Variants in GFRA2 observed in about 807,000 individuals in gnomAD.
GFRA2 encodes the protein GDNF family receptor alpha 2, also known as GDNF family receptor alpha-2.
Under a neutral mutation model 48.3 loss-of-function variants are expected in GFRA2, and 17 were observed. The observed-to-expected ratio is 0.35, with a 90% CI of 0.24 to 0.53. The LOEUF (loss-of-function observed/expected upper bound fraction) is 0.53, where lower values mean the gene tolerates loss of function less well. GFRA2 is among the 20% of genes least tolerant of loss of function. The pLI is 0.93. For missense variants in GFRA2, 660 were observed against 637.3 expected (o/e 1.04, Z -0.38); for synonymous variants, 305 against 257.2 (o/e 1.19, Z -1.78).
intron 4 of GFRA2, among the ~76,000 whole-genome samples, chr8:21,708,431 G>A (rs1200637435): frequency 6.6e-6 from 1 of 152,154 alleles, no homozygotes; most frequent in East Asian, 1.9e-4. Context: ...AGATCCAAGA[G>A]GTGGCTTGAG....
At chr8:21,774,039 C>T (rs1163772468) in intron 3 of GFRA2, among the ~76,000 whole-genome samples, 2 of 152,156 alleles carry the variant, frequency 1.3e-5, no homozygotes, top group African/African-American at 4.8e-5. Flanking sequence ...TTCAGACTGC[C>T]ACAAAACTGC....
intron 2 of GFRA2, among the ~76,000 whole-genome samples, chr8:21,780,229 C>A (rs1332499448): frequency 1.3e-5 from 2 of 152,102 alleles, no homozygotes; most frequent in African/African-American, 4.8e-5. Flanking sequence ...GTCTCCTGCC[C>A]CATACGATGG....
intron 3 of GFRA2, among the ~76,000 whole-genome samples, chr8:21,754,510 T>TC (rs1355053818): frequency 8.3e-5 from 12 of 144,252 alleles, no homozygotes; most frequent in African/African-American, 3.0e-4. Context: ...TTTTTCTTTT[T>TC]TTTTTTTTTT....
At chr8:21,704,903 G>A (rs897532075) in intron 6 of GFRA2, 82 bp downstream of exon 6, 40 of 1,075,332 alleles carry the variant, frequency 3.7e-5, no homozygotes, top group East Asian at 2.7e-4. Context: ...CCATCCCCAC[G>A]GAAGGAGATG....
At chr8:21,791,657 TA>T (rs1196401642), upstream of GFRA2, among the ~76,000 whole-genome samples, 1 of 152,102 alleles carries the variant, frequency 6.6e-6, no homozygotes, top group African/African-American at 2.4e-5. Flanking sequence ...AAATGGGGAT[TA>T]AAAAAGATAA....
intron 1 of GFRA2, among the ~76,000 whole-genome samples, chr8:21,786,955 A>G (rs1005493106): frequency 5.3e-5 from 8 of 151,736 alleles, no homozygotes; most frequent in Admixed American, 3.9e-4. Context: ...GTAGAACTAC[A>G]CCCTCACTGA....
chr8:21,698,958 C>G (rs1802340674), intron 7 of GFRA2, among the ~76,000 whole-genome samples: 1 of 152,210 alleles, frequency 6.6e-6, no homozygotes, highest in Non-Finnish European at 1.5e-5. Context: ...CCCACGGGTC[C>G]TTGGCCTCCA....
upstream of GFRA2, chr8:21,790,233 C>A (rs921747757): frequency 4.5e-6 from 1 of 220,840 alleles, no homozygotes; most frequent in Non-Finnish European, 7.6e-6. Flanking sequence ...CCCACGCAGC[C>A]CGGCATCCCC....
chr8:21,786,906 C>T (rs1807299300), intron 1 of GFRA2, among the ~76,000 whole-genome samples: 1 of 152,186 alleles, frequency 6.6e-6, no homozygotes, highest in Admixed American at 6.5e-5. Flanking sequence ...CCCCGCTGGG[C>T]AGCCTGGCTC....
intron 4 of GFRA2, among the ~76,000 whole-genome samples, chr8:21,712,419 C>T (rs975434886): frequency 3.3e-5 from 5 of 151,758 alleles, no homozygotes; most frequent in African/African-American, 1.2e-4. Context: ...GGCGGCCGGG[C>T]AGAGACGCTC....
At position 21,747,198 on chromosome 8, in the gene GFRA2, A is replaced by G. The variant is rs930187857; in HGVS notation, c.794+3390T>C. Among the ~76,000 whole-genome samples, 14 of 152,256 alleles carry G rather than the reference A, an allele frequency of 9.2e-5. No individual in the cohort carries two copies. In the East Asian group the frequency reaches 2.7e-3, roughly 29 times the overall value. ...CGCAGCTGTGTAGGATGCAGCCCCC[A>G]AGGTCATTTTAGCATTCAGAAGAAG... On this transcript the variant is annotated intron_variant, in intron 4 of 8. Coordinates refer to ENST00000524240, the MANE Select transcript of GFRA2 (RefSeq NM_001495.5).
intron 4 of GFRA2, among the ~76,000 whole-genome samples, chr8:21,708,926 C>G (rs755348046): frequency 1.3e-5 from 2 of 152,192 alleles, no homozygotes; most frequent in Non-Finnish European, 2.9e-5. Flanking sequence ...CTACAGCGGC[C>G]CCAGGAAATG....
At chr8:21,695,186 T>A (rs1802098221) in intron 7 of GFRA2, among the ~76,000 whole-genome samples, 1 of 152,152 alleles carries the variant, frequency 6.6e-6, no homozygotes, top group South Asian at 2.1e-4. Flanking sequence ...GCCTTGGTAA[T>A]GATTCCAAGA....
At chr8:21,745,390 T>C (rs1804956180) in intron 4 of GFRA2, among the ~76,000 whole-genome samples, 1 of 152,182 alleles carries the variant, frequency 6.6e-6, no homozygotes. Flanking sequence ...GGCATGCTCC[T>C]AGGAGATGCC....
chr8:21,714,246 CTTTTTT>C (rs10674628), intron 4 of GFRA2, among the ~76,000 whole-genome samples: 1 of 78,400 alleles, frequency 1.3e-5, no homozygotes, highest in Non-Finnish European at 2.2e-5. Context: ...GTCTGAAGTT[CTTTTTT>C]TTTTTTTTTT....
At chr8:21,730,070 C>G (rs977539115) in intron 4 of GFRA2, among the ~76,000 whole-genome samples, 2 of 152,016 alleles carry the variant, frequency 1.3e-5, no homozygotes, top group Non-Finnish European at 2.9e-5. Flanking sequence ...AAAGGTGTTT[C>G]CTGGGTTCTC....
At chr8:21,790,001 G>A (rs1807517181), upstream of GFRA2, 1 of 878,098 alleles carries the variant, frequency 1.1e-6, no homozygotes. Flanking sequence ...AGGCTCCGGG[G>A]TTGGGGGGTT....
intron 4 of GFRA2, among the ~76,000 whole-genome samples, chr8:21,727,376 G>T (rs981096037): frequency 6.6e-6 from 1 of 152,148 alleles, no homozygotes; most frequent in African/African-American, 2.4e-5. Flanking sequence ...AAGAACAGAG[G>T]ATTGGGGGTC....
chr8:21,694,055 T>TATATATATA (rs1802021821), intron 8 of GFRA2, among the ~76,000 whole-genome samples: 1 of 77,466 alleles, frequency 1.3e-5, no homozygotes, highest in Non-Finnish European at 2.9e-5. Context: ...ATATATATAT[T>TATATATATA]TATATATATA....
Sources: allele counts gnomAD v4.1 joint callset (sites outside exome capture counted in the v4.1 genomes callset), GRCh38; gene constraint gnomAD v4.1.1; transcripts MANE v1.5; gene names NCBI Gene and HGNC (gene_info 2026-07-23, HGNC 2026-07-21).